Variants in SPIN1 observed in about 807,000 individuals in gnomAD.
SPIN1 encodes spindlin 1.
Under a neutral mutation model 26.0 loss-of-function variants are expected in SPIN1, and 3 were observed. The ratio of observed to expected loss-of-function variants is 0.12; its 90% CI spans 0.05 to 0.30. SPIN1 has a LOEUF of 0.30. SPIN1 is among the 10% of genes least tolerant of loss of function. The pLI, the probability that SPIN1 is intolerant of heterozygous loss-of-function variation, is 1.00. For synonymous variants in SPIN1, 101 were observed against 116.5 expected, an observed-to-expected ratio of 0.87 and a Z score of 0.86; for missense variants, 126 against 333.4, an observed-to-expected ratio of 0.38 and a Z score of 4.84.
intron 3 of SPIN1, chr9:88,457,833 A>G (rs1247856015): frequency 1.0e-6 from 1 of 982,318 alleles, no homozygotes; most frequent in Admixed American, 6.1e-5. Context: ...AAAAATGTGA[A>G]AATACTACGC....
At chr9:88,413,212 G>A (rs1827490373) in intron 1 of SPIN1, among the ~76,000 whole-genome samples, 1 of 150,494 alleles carries the variant, frequency 6.6e-6, no homozygotes, top group Non-Finnish European at 1.5e-5. Flanking sequence ...CACTACAGGT[G>A]CGTGCCACCA....
At chr9:88,409,388 A>G (rs1458988158) in intron 1 of SPIN1, among the ~76,000 whole-genome samples, 3 of 151,654 alleles carry the variant, frequency 2.0e-5, no homozygotes, top group Non-Finnish European at 2.9e-5. Context: ...GTGCACATCT[A>G]GTAGATCACA....
At chr9:88,412,312 C>G (rs1194876050) in intron 1 of SPIN1, among the ~76,000 whole-genome samples, 1 of 152,200 alleles carries the variant, frequency 6.6e-6, no homozygotes, top group East Asian at 1.9e-4. Flanking sequence ...GGTTATTTCT[C>G]TAAGCAACTC....
intron 2 of SPIN1, among the ~76,000 whole-genome samples, chr9:88,437,481 G>A (rs1390894769): frequency 6.6e-6 from 1 of 150,526 alleles, no homozygotes; most frequent in Non-Finnish European, 1.5e-5. Flanking sequence ...CTGGGCAACA[G>A]AGTAAGACCC....
intron 1 of SPIN1, among the ~76,000 whole-genome samples, chr9:88,419,883 A>G (rs1827639040): frequency 6.6e-6 from 1 of 152,202 alleles, no homozygotes; most frequent in Non-Finnish European, 1.5e-5. Flanking sequence ...ACCTTTCCAG[A>G]AATCAGGAGA....
Position 88,414,204 on chromosome 9 carries a change from C to T in SPIN1, c.-158-12178C>T, listed in dbSNP as rs373623326. The stretch of plus-strand genomic sequence containing the variant: ...TTTTATTGGTGCTTAACTACATCAG[C>T]ATGATCCATTGAATCATTGGCCTTG... On this transcript the variant is annotated intron_variant, in intron 1 of 5. Transcript: ENST00000375859. Among the ~76,000 whole-genome samples, 4 of 152,278 alleles carry T rather than the reference C, an allele frequency of 2.6e-5. No homozygotes were observed. The South Asian group carries it at 6.2e-4, about 24-fold the overall frequency.
chr9:88,435,204 A>G (rs1308278649), intron 2 of SPIN1, among the ~76,000 whole-genome samples: 1 of 150,562 alleles, frequency 6.6e-6, no homozygotes, highest in Non-Finnish European at 1.5e-5. Context: ...ATTATTTTGC[A>G]TTCTTTTTTT....
intron 3 of SPIN1, among the ~76,000 whole-genome samples, chr9:88,456,981 G>A (rs1169411458): frequency 1.3e-5 from 2 of 152,090 alleles, no homozygotes; most frequent in Admixed American, 6.5e-5. Flanking sequence ...TCAATAGGCT[G>A]AAAGTAGAGT....
At chr9:88,430,454 G>A (rs1381552968) in intron 2 of SPIN1, among the ~76,000 whole-genome samples, 1 of 152,188 alleles carries the variant, frequency 6.6e-6, no homozygotes, top group East Asian at 1.9e-4. Flanking sequence ...GGCTCACCAA[G>A]TTTCCAGGGA....
At chr9:88,423,709 C>T (rs1213393990) in intron 1 of SPIN1, among the ~76,000 whole-genome samples, 1 of 151,496 alleles carries the variant, frequency 6.6e-6, no homozygotes, top group South Asian at 2.1e-4. Context: ...AACCACTGTG[C>T]CCAGCCTACA....
intron 1 of SPIN1, among the ~76,000 whole-genome samples, chr9:88,393,628 G>A (rs1003323668): frequency 1.3e-5 from 2 of 151,292 alleles, no homozygotes; most frequent in African/African-American, 2.4e-5. Context: ...GCTAATTTTT[G>A]TATTTTTAGT....
chr9:88,438,247 T>C (rs757947209), intron 2 of SPIN1, among the ~76,000 whole-genome samples: 12 of 152,186 alleles, frequency 7.9e-5, no homozygotes, highest in African/African-American at 2.9e-4. Flanking sequence ...TGGTAAGTTA[T>C]GTTTTCATTT....
chr9:88,426,877 G>A (rs569979760), intron 2 of SPIN1, among the ~76,000 whole-genome samples: 4 of 151,434 alleles, frequency 2.6e-5, no homozygotes, highest in Non-Finnish European at 5.9e-5. Context: ...AGTTTTTTCC[G>A]GAAGAGTTAA....
intron 1 of SPIN1, among the ~76,000 whole-genome samples, chr9:88,422,255 CG>C (rs1335944027): frequency 1.3e-5 from 2 of 152,108 alleles, no homozygotes; most frequent in East Asian, 3.9e-4. Flanking sequence ...CAATATTTTC[CG>C]TAACACTTGA....
At chr9:88,402,470 C>CT (rs1827210634) in intron 1 of SPIN1, among the ~76,000 whole-genome samples, 1 of 151,144 alleles carries the variant, frequency 6.6e-6, no homozygotes, top group South Asian at 2.1e-4. Context: ...TTCCCAGCCT[C>CT]TGATACCTGT....
In SPIN1 at chr9:88,477,355, T is replaced by G. The variant is rs978149496; in HGVS notation, c.*2078T>G. On this transcript the variant is annotated 3_prime_UTR_variant, in exon 6 of 6. Transcript: ENST00000375859. Reference sequence around the variant, plus strand: ...GAAGTATCTTGAGGGTTGGGTCAATTGAGACATTTCTAGCATTACTTAATG... The same window carrying G: ...GAAGTATCTTGAGGGTTGGGTCAATGGAGACATTTCTAGCATTACTTAATG... 3 of 152,254 alleles carry G rather than the reference T, an allele frequency of 2.0e-5. No individual in the cohort carries two copies. Among genetic ancestry groups the G allele is most frequent in the African/African-American group, 7.2e-5 (3 of 41,470 alleles). 9.4% of individuals were successfully genotyped at this position (152,254 alleles called of 1,614,324 possible).
intron 2 of SPIN1, among the ~76,000 whole-genome samples, chr9:88,441,829 TATAAA>T (rs1303801929): frequency 6.7e-6 from 1 of 148,498 alleles, no homozygotes; most frequent in Admixed American, 6.7e-5. Flanking sequence ...TATAAAATAA[TATAAA>T]ATAAAAATAT....
intron 2 of SPIN1, among the ~76,000 whole-genome samples, chr9:88,432,636 A>G (rs1827904795): frequency 6.7e-6 from 1 of 150,238 alleles, no homozygotes; most frequent in Admixed American, 6.6e-5. Flanking sequence ...GGCGCATGCC[A>G]CCATGCCCAG....
chr9:88,435,086 T>C (rs183084457), intron 2 of SPIN1, among the ~76,000 whole-genome samples: 49 of 152,002 alleles, frequency 3.2e-4, no homozygotes, highest in African/African-American at 1.1e-3. Context: ...TGTCAGTATG[T>C]CTTGCTGTTG....
Sources: allele counts gnomAD v4.1 joint callset (sites outside exome capture counted in the v4.1 genomes callset), GRCh38; gene constraint gnomAD v4.1.1; transcripts MANE v1.5; gene names NCBI Gene and HGNC (gene_info 2026-07-23, HGNC 2026-07-21).